Variants in DLGAP2 observed in about 807,000 individuals in gnomAD.
The protein encoded by DLGAP2 is DLG associated protein 2.
DLGAP2 carries 26 observed loss-of-function variants against 100.3 expected under a neutral mutation model. That is an observed-to-expected ratio of 0.26 (90% CI 0.19 to 0.36). DLGAP2 has a LOEUF of 0.36. DLGAP2 is among the 10% of genes least tolerant of loss of function. The pLI is 1.00. For missense variants in DLGAP2, 1,858 were observed against 1,453.2 expected (o/e 1.28, Z -4.53); for synonymous variants, 886 against 630.1 (o/e 1.41, Z -6.08).
At chr8:1,328,409 C>G (rs920505627) in intron 3 of DLGAP2, among the ~76,000 whole-genome samples, 7 of 152,164 alleles carry the variant, frequency 4.6e-5, no homozygotes, top group Admixed American at 6.5e-5. Flanking sequence ...ACCTCTGCCT[C>G]CTGGGTTCAG....
intron 2 of DLGAP2, among the ~76,000 whole-genome samples, chr8:1,182,632 C>G (rs1446340190): frequency 6.6e-6 from 1 of 152,210 alleles, no homozygotes. Flanking sequence ...CAGTTGTTGC[C>G]TGTCCTTCTG....
At chr8:1,637,638 T>A (rs532314775) in intron 8 of DLGAP2, among the ~76,000 whole-genome samples, 1 of 152,166 alleles carries the variant, frequency 6.6e-6, no homozygotes, top group African/African-American at 2.4e-5. Context: ...ATATGCCAAT[T>A]GAAGATTCTA....
intron 6 of DLGAP2, among the ~76,000 whole-genome samples, chr8:1,604,305 G>A (rs1796723939): frequency 6.6e-6 from 1 of 152,204 alleles, no homozygotes; most frequent in African/African-American, 2.4e-5. Flanking sequence ...TCACTAGGGT[G>A]TTCATTATGA....
At chr8:1,499,852 C>A (rs897231098) in intron 3 of DLGAP2, among the ~76,000 whole-genome samples, 1 of 152,190 alleles carries the variant, frequency 6.6e-6, no homozygotes, top group African/African-American at 2.4e-5. Context: ...CCTCTACGAA[C>A]TTATTGAAAA....
chr8:988,676 C>G (rs1303620970), intron 2 of DLGAP2, among the ~76,000 whole-genome samples: 1 of 152,160 alleles, frequency 6.6e-6, no homozygotes, highest in Non-Finnish European at 1.5e-5. Flanking sequence ...TGCCGTGGCT[C>G]TGACCTTCCA....
In DLGAP2 at chr8:1,383,720, G is replaced by A. The variant is rs58919914; in HGVS notation, c.107-117646G>A. ...TCTCTGTAAGGTCAGTGAAAACTTTGCAGTATTAGAATGGCCACGTCAGAG... is the reference window on the plus strand; with the variant it reads ...TCTCTGTAAGGTCAGTGAAAACTTTACAGTATTAGAATGGCCACGTCAGAG... On this transcript the variant is annotated intron_variant, in intron 3 of 14. Coordinates refer to ENST00000637795, the MANE Select transcript of DLGAP2 (RefSeq NM_001346810.2). Among the ~76,000 whole-genome samples, 625 of 152,290 alleles carry A rather than the reference G, an allele frequency of 4.1e-3. 3 individuals carry two copies. Among genetic ancestry groups the A allele is most frequent in the African/African-American group, 0.014 (602 of 41,558 alleles).
chr8:1,290,874 C>G (rs958976677), intron 3 of DLGAP2, among the ~76,000 whole-genome samples: 1 of 152,136 alleles, frequency 6.6e-6, no homozygotes, highest in African/African-American at 2.4e-5. Flanking sequence ...GAAAAATAGA[C>G]ATAACATGAA....
intron 4 of DLGAP2, among the ~76,000 whole-genome samples, chr8:1,507,708 C>T (rs904641224): frequency 1.3e-5 from 2 of 150,064 alleles, no homozygotes; most frequent in African/African-American, 5.1e-5. Flanking sequence ...AAGAAGGTAG[C>T]AGTCCACCCT....
chr8:1,513,038 C>A (rs1246290462), intron 4 of DLGAP2, among the ~76,000 whole-genome samples: 1 of 152,008 alleles, frequency 6.6e-6, no homozygotes, highest in Non-Finnish European at 1.5e-5. Flanking sequence ...TGGAAGAGGC[C>A]ACAGGCCAGC....
intron 1 of DLGAP2, among the ~76,000 whole-genome samples, chr8:802,541 G>A (rs961319586): frequency 3.9e-5 from 6 of 152,292 alleles, no homozygotes; most frequent in African/African-American, 1.2e-4. Flanking sequence ...CATCCAGTCC[G>A]GACGGCACAT....
chr8:1,225,630 T>C (rs935660589), intron 2 of DLGAP2, among the ~76,000 whole-genome samples: 1 of 152,240 alleles, frequency 6.6e-6, no homozygotes, highest in Non-Finnish European at 1.5e-5. Flanking sequence ...TCATGAACAC[T>C]TTTAAGCCAA....
intron 3 of DLGAP2, among the ~76,000 whole-genome samples, chr8:1,499,467 G>T (rs1799644885): frequency 6.6e-6 from 1 of 152,166 alleles, no homozygotes; most frequent in Admixed American, 6.5e-5. Flanking sequence ...TATGACGATG[G>T]TCTCCATGGA....
At chr8:1,027,721 G>A (rs1452671303) in intron 2 of DLGAP2, among the ~76,000 whole-genome samples, 2 of 133,744 alleles carry the variant, frequency 1.5e-5, no homozygotes, top group Admixed American at 7.5e-5. Context: ...TCAGGCGCCC[G>A]TTATTCTCCA....
At chr8:865,960 G>T (rs1797486502) in intron 1 of DLGAP2, among the ~76,000 whole-genome samples, 1 of 152,226 alleles carries the variant, frequency 6.6e-6, no homozygotes, top group Admixed American at 6.5e-5. Flanking sequence ...ATTCAAAACA[G>T]GGCAAGGGGA....
chr8:1,513,593 A>T (rs924330331), intron 4 of DLGAP2, among the ~76,000 whole-genome samples: 4 of 152,176 alleles, frequency 2.6e-5, no homozygotes, highest in African/African-American at 9.7e-5. Flanking sequence ...TGCAGCATTG[A>T]ATTTCTAACC....
chr8:824,847 C>T lies in DLGAP2; in HGVS notation c.19-83065C>T, dbSNP rs551254143. Among the ~76,000 whole-genome samples, 12 of 152,292 alleles carry T rather than the reference C, an allele frequency of 7.9e-5. No individual in the cohort carries two copies. In the South Asian group the frequency reaches 2.5e-3, roughly 32 times the overall value. On this transcript the variant is annotated intron_variant, in intron 1 of 14. Coordinates refer to ENST00000637795, the MANE Select transcript of DLGAP2 (RefSeq NM_001346810.2). The stretch of plus-strand genomic sequence containing the variant: ...TGGTTTGGTGGCACAGGCAGCTCAG[C>T]CTCCAGCCGCAATTCACTGGAGCAC...
chr8:1,191,006 G>A (rs1797622997), intron 2 of DLGAP2, among the ~76,000 whole-genome samples: 1 of 152,160 alleles, frequency 6.6e-6, no homozygotes, highest in Non-Finnish European at 1.5e-5. Flanking sequence ...ATGGTCAGGG[G>A]AGCTAAGGGA....
intron 6 of DLGAP2, among the ~76,000 whole-genome samples, chr8:1,575,640 C>T (rs1802938564): frequency 8.8e-6 from 1 of 113,692 alleles, no homozygotes; most frequent in Non-Finnish European, 1.7e-5. Context: ...CATAACAGGC[C>T]CTAGTGTGTG....
chr8:1,053,728 A>G (rs1177527637), intron 2 of DLGAP2, among the ~76,000 whole-genome samples: 3 of 152,180 alleles, frequency 2.0e-5, no homozygotes, highest in Non-Finnish European at 4.4e-5. Flanking sequence ...TGCCATAACA[A>G]CCAAGCAAGT....
Sources: gnomAD v4.1 joint callset for allele counts (sites outside exome capture counted in the v4.1 genomes callset) on GRCh38, gnomAD v4.1.1 for gene constraint, MANE v1.5 for transcripts, NCBI Gene and HGNC (gene_info 2026-07-23, HGNC 2026-07-21) for gene names.